CARMIL1: variants seen among roughly 807,000 people sequenced by gnomAD.
CARMIL1 encodes F-actin-uncapping protein LRRC16A.
Under a neutral mutation model 177.1 loss-of-function variants are expected in CARMIL1, and 90 were observed. The observed-to-expected ratio is 0.51, with a 90% CI of 0.43 to 0.61. CARMIL1 has a LOEUF of 0.61. Among genes scored for constraint, CARMIL1 ranks in the 20% least tolerant of loss-of-function variants. The probability of loss-of-function intolerance (pLI) is 0.00; values close to 1 mark genes in which losing one functional copy is unlikely to be tolerated. For missense variants in CARMIL1, 1,380 were observed against 1,667.0 expected (o/e 0.83, Z 3.00); for synonymous variants, 577 against 606.2 (o/e 0.95, Z 0.71).
chr6:25,580,116 G>A (rs1396122935), intron 29 of CARMIL1, among the ~76,000 whole-genome samples: 2 of 152,128 alleles, frequency 1.3e-5, no homozygotes, highest in African/African-American at 2.4e-5. Context: ...TCTGTCCATG[G>A]CTCTGCTCCT....
rs375576539 is a variant in CARMIL1 at position 25,606,236 on chromosome 6, C to T, written c.3810C>T (p.Pro1270=). The T allele has an allele frequency of 5.2e-5, 84 of 1,613,776 alleles. No individual in the cohort carries two copies. Among genetic ancestry groups the T allele is most frequent in the African/African-American group, 3.2e-4 (24 of 74,914 alleles). ...CCAAACCCAGTCTGGCAGCACGGCC[C>T]GTCATCCCGCAGAAACCAAGAACCG... ...QSPKPSLAAR[P]VIPQKPRTAS... The change falls in exon 35 of 37, where the codon CCC becomes CCT. Residue 1270 remains proline (P), a synonymous_variant. Coordinates refer to ENST00000329474, the MANE Select transcript of CARMIL1 (RefSeq NM_017640.6).
At chr6:25,281,518 A>G (rs1467229016) in intron 1 of CARMIL1, among the ~76,000 whole-genome samples, 1 of 152,178 alleles carries the variant, frequency 6.6e-6, no homozygotes, top group African/African-American at 2.4e-5. Context: ...GTTTCTATTC[A>G]TGGTTCTCAA....
intron 29 of CARMIL1, among the ~76,000 whole-genome samples, chr6:25,574,082 A>C (rs994669844): frequency 7.2e-5 from 11 of 152,104 alleles, no homozygotes; most frequent in African/African-American, 2.7e-4. Context: ...TCCATCCCCA[A>C]GCTATTATGA....
chr6:25,307,947 G>A (rs1268386025), intron 2 of CARMIL1, among the ~76,000 whole-genome samples: 1 of 152,186 alleles, frequency 6.6e-6, no homozygotes, highest in African/African-American at 2.4e-5. Context: ...CTTATTTATA[G>A]CAAGCAAGTG....
chr6:25,358,593 A>T lies in CARMIL1; in HGVS notation c.139-61521A>T, dbSNP rs527697371. On this transcript the variant is annotated intron_variant, in intron 2 of 36. Transcript: ENST00000329474. ...ATACTTACAAAGCATATCATAAGGTATATATAAAGTGGTCATTATGAACTT... is the reference window on the plus strand; with the variant it reads ...ATACTTACAAAGCATATCATAAGGTTTATATAAAGTGGTCATTATGAACTT... Among the ~76,000 whole-genome samples the T allele has an allele frequency of 2.0e-4, 31 of 152,326 alleles. No homozygotes were observed. The South Asian group carries it at 4.3e-3, about 21-fold the overall frequency.
chr6:25,437,930 G>C (rs1266563706), intron 5 of CARMIL1, among the ~76,000 whole-genome samples: 2 of 152,144 alleles, frequency 1.3e-5, no homozygotes, highest in East Asian at 3.8e-4. Flanking sequence ...TCTCTTGCAA[G>C]TGATCCTTCA....
rs149124714 is a variant in CARMIL1, at chr6:25,469,043, G to A, written c.691-2126G>A. ...CTTTGTATGTACATTGTGAGATAAA[G>A]AATTATACTGATAAGGGTGTCACCA... is the stretch of plus-strand genomic sequence containing the variant. On this transcript the variant is annotated intron_variant, in intron 9 of 36. Coordinates refer to ENST00000329474, the MANE Select transcript of CARMIL1 (RefSeq NM_017640.6). Among the ~76,000 whole-genome samples, 554 of 152,224 alleles carry A rather than the reference G, an allele frequency of 3.6e-3. 2 individuals are homozygous for A. The highest frequency in any genetic ancestry group is 6.5e-3 in the Non-Finnish European group (444 of 67,994).
At chr6:25,324,079 A>G (rs542835904) in intron 2 of CARMIL1, among the ~76,000 whole-genome samples, 29 of 152,354 alleles carry the variant, frequency 1.9e-4, no homozygotes, top group African/African-American at 6.7e-4. Context: ...TGGCTCAGAT[A>G]ATACTCCAGG....
Position 25,581,268 on chromosome 6 carries a change from G to A in CARMIL1, c.2835G>A (p.Ala945=), listed in dbSNP as rs370575787. 55 of 1,613,632 alleles carry A rather than the reference G, an allele frequency of 3.4e-5. No homozygotes were observed. Among genetic ancestry groups the A allele is most frequent in the Non-Finnish European group, 4.1e-5 (48 of 1,179,850 alleles). The change falls in exon 31 of 37, where the codon GCG becomes GCA. Residue 945 remains alanine, a synonymous_variant. Coordinates refer to ENST00000329474, the MANE Select transcript of CARMIL1 (RefSeq NM_017640.6). ...AAATGGAGTTTGATCTAGATAAAGC[G>A]CTGGAAGAGGTACCAATTCACATCG... ...AFEMEFDLDK[A]LEEVPIHIED...
intron 2 of CARMIL1, among the ~76,000 whole-genome samples, chr6:25,366,578 A>G (rs1387667385): frequency 1.3e-5 from 2 of 150,896 alleles, no homozygotes; most frequent in African/African-American, 4.9e-5. Context: ...GAAGGCAGGG[A>G]TTTTTGCCTA....
intron 28 of CARMIL1, among the ~76,000 whole-genome samples, chr6:25,556,116 A>G (rs1019862722): frequency 3.3e-5 from 5 of 152,204 alleles, no homozygotes; most frequent in Non-Finnish European, 5.9e-5. Context: ...GGACTTGCCA[A>G]CTGGTTTTCA....
chr6:25,350,044 T>C (rs142705729), intron 2 of CARMIL1, among the ~76,000 whole-genome samples: 32 of 152,132 alleles, frequency 2.1e-4, no homozygotes, highest in African/African-American at 7.5e-4. Context: ...GCCCCCTCAT[T>C]TGATAAATGG....
intron 26 of CARMIL1, among the ~76,000 whole-genome samples, chr6:25,542,044 G>T (rs765671594): frequency 3.3e-5 from 5 of 152,158 alleles, no homozygotes; most frequent in Non-Finnish European, 5.9e-5. Context: ...TCTGTAAATT[G>T]TGTATTCATA....
intron 2 of CARMIL1, among the ~76,000 whole-genome samples, chr6:25,318,663 A>G (rs1413155942): frequency 1.3e-5 from 2 of 151,964 alleles, no homozygotes; most frequent in African/African-American, 4.8e-5. Context: ...TGGGAGTCCC[A>G]TTTTCTAATA....
chr6:25,508,951 T>C (rs1349756477), intron 17 of CARMIL1, among the ~76,000 whole-genome samples: 2 of 152,196 alleles, frequency 1.3e-5, no homozygotes, highest in African/African-American at 4.8e-5. Context: ...AAGTACTGTA[T>C]TGGGTTTTTC....
chr6:25,331,943 G>T (rs1016843753), intron 2 of CARMIL1, among the ~76,000 whole-genome samples: 4 of 152,158 alleles, frequency 2.6e-5, no homozygotes, highest in African/African-American at 9.7e-5. Flanking sequence ...CAGGAAAAAA[G>T]AACTTTTCTC....
intron 2 of CARMIL1, among the ~76,000 whole-genome samples, chr6:25,288,884 C>G (rs923385665): frequency 7.2e-5 from 11 of 152,168 alleles, no homozygotes; most frequent in African/African-American, 2.7e-4. Context: ...GTTCTATTCT[C>G]AAATAAATTT....
chr6:25,298,955 T>C (rs2150166675), intron 2 of CARMIL1, among the ~76,000 whole-genome samples: 3 of 152,138 alleles, frequency 2.0e-5, no homozygotes, highest in South Asian at 2.1e-4. Flanking sequence ...GGTTTCTCCA[T>C]GTTTCAGGGT....
intron 36 of CARMIL1, among the ~76,000 whole-genome samples, chr6:25,616,125 C>T (rs1252034515): frequency 6.6e-6 from 1 of 152,074 alleles, no homozygotes; most frequent in Non-Finnish European, 1.5e-5. Flanking sequence ...TAGAGATGCT[C>T]CAGCACTCTT....
Sources: allele counts gnomAD v4.1 joint callset (sites outside exome capture counted in the v4.1 genomes callset), GRCh38; gene constraint gnomAD v4.1.1; transcripts MANE v1.5; gene names NCBI Gene and HGNC (gene_info 2026-07-23, HGNC 2026-07-21).